The following GLIS3 variants were observed in gnomAD, a reference collection of about 807,000 sequenced individuals.
GLIS3 encodes GLIS family zinc finger 3.
GLIS3 carries 53 observed loss-of-function variants against 78.6 expected under a neutral mutation model. The ratio of observed to expected loss-of-function variants is 0.67; its 90% CI spans 0.54 to 0.85. The LOEUF is 0.85. Among genes scored for constraint, GLIS3 ranks in the 40% least tolerant of loss-of-function variants. The pLI is 0.00. For synonymous variants in GLIS3, 684 were observed against 509.9 expected, an observed-to-expected ratio of 1.34 and a Z score of -4.60; for missense variants, 1,703 against 1,231.1, an observed-to-expected ratio of 1.38 and a Z score of -5.74.
chr9:4,473,527 A>C, the GLIS3 span, among the ~76,000 whole-genome samples: 1 of 151,824 alleles, frequency 6.6e-6, no homozygotes, highest in Non-Finnish European at 1.5e-5. Flanking sequence ...ATCCTTAGCA[A>C]ACTACTGCAG....
At chr9:3,898,608 T>G (rs1224676839) in intron 7 of GLIS3, 83 bp downstream of exon 7, 1 of 1,561,088 alleles carries the variant, frequency 6.4e-7, no homozygotes, top group Admixed American at 1.7e-5. Flanking sequence ...AGGAAAATTT[T>G]TCTCACGTGA....
chr9:4,449,890 A>G, the GLIS3 span, among the ~76,000 whole-genome samples: 1 of 152,226 alleles, frequency 6.6e-6, no homozygotes, highest in African/African-American at 2.4e-5. Context: ...AGATGGGGAG[A>G]AACTAGAGAG....
At chr9:4,221,845 T>C (rs534830475) in intron 2 of GLIS3, among the ~76,000 whole-genome samples, 1 of 152,238 alleles carries the variant, frequency 6.6e-6, no homozygotes, top group Non-Finnish European at 1.5e-5. Flanking sequence ...GGCCACCATA[T>C]CTCCATCTTC....
chr9:4,351,439 C>A (rs1378014555), upstream of GLIS3, among the ~76,000 whole-genome samples: 3 of 147,178 alleles, frequency 2.0e-5, no homozygotes, highest in African/African-American at 5.0e-5. Context: ...AAATCTTTTA[C>A]ATATCTCATA....
intron 4 of GLIS3, among the ~76,000 whole-genome samples, chr9:3,964,777 G>C (rs1588331205): frequency 6.6e-6 from 1 of 152,158 alleles, no homozygotes; most frequent in Non-Finnish European, 1.5e-5. Flanking sequence ...TTTATTTTCA[G>C]TGTTTCTGGG....
rs973943223 is a variant in GLIS3 at position 3,824,928 on chromosome 9, A to T, written c.*3344T>A. On this transcript the variant is annotated 3_prime_UTR_variant, in exon 11 of 11. Transcript: ENST00000381971. ...TTTTGCTTCATCTGTTGCAAAAAAA[A>T]AAAAAAATAATAACCGCAGAAATTC... is the stretch of plus-strand genomic sequence containing the variant. 16 of 105,344 alleles carry T rather than the reference A, an allele frequency of 1.5e-4. 1 individual carries two copies. The Middle Eastern group carries it at 0.012, about 80-fold the overall frequency. The allele number at this position is 105,344 out of a possible 1,614,324, so 6.5% of individuals were successfully genotyped here. A position where few individuals can be genotyped will look rare whatever the true frequency, so the allele number is the denominator to read the frequency against.
At chr9:4,384,340 T>C in the GLIS3 span, among the ~76,000 whole-genome samples, 1 of 38,040 alleles carries the variant, frequency 2.6e-5, no homozygotes, top group African/African-American at 7.7e-5. Context: ...TCACCTTCAC[T>C]GGAAAAAAAA....
chr9:4,194,200 G>A (rs1818589747), intron 2 of GLIS3, among the ~76,000 whole-genome samples: 2 of 152,062 alleles, frequency 1.3e-5, no homozygotes, highest in South Asian at 2.1e-4. Flanking sequence ...TGGGATTACA[G>A]GCCCACGCTG....
intron 2 of GLIS3, among the ~76,000 whole-genome samples, chr9:4,180,346 G>C (rs988891189): frequency 6.6e-6 from 1 of 152,164 alleles, no homozygotes; most frequent in African/African-American, 2.4e-5. Flanking sequence ...GCAAGAGGAA[G>C]TATACCACAA....
chr9:3,852,149 GA>G (rs527265564), intron 9 of GLIS3, among the ~76,000 whole-genome samples: 1,328 of 131,150 alleles, frequency 0.01, 11 homozygotes, highest in African/African-American at 0.027. Context: ...CGTTCCAAAA[GA>G]AAAAAAAAAA....
intron 2 of GLIS3, among the ~76,000 whole-genome samples, chr9:4,320,141 G>C (rs999865296): frequency 6.6e-6 from 1 of 152,104 alleles, no homozygotes; most frequent in Admixed American, 6.5e-5. Context: ...GCGTATCTGA[G>C]TCACAGCCAC....
intron 2 of GLIS3, among the ~76,000 whole-genome samples, chr9:4,155,114 T>C (rs1222173834): frequency 3.3e-5 from 5 of 152,214 alleles, no homozygotes; most frequent in Non-Finnish European, 7.3e-5. Flanking sequence ...TGTAGATAAG[T>C]TTCTTTTATT....
At chr9:4,313,068 T>C (rs1817388875) in intron 2 of GLIS3, among the ~76,000 whole-genome samples, 1 of 152,152 alleles carries the variant, frequency 6.6e-6, no homozygotes, top group African/African-American at 2.4e-5. Flanking sequence ...TGCTGTTTCT[T>C]TGGGGAAGAC....
intron 6 of GLIS3, among the ~76,000 whole-genome samples, chr9:3,904,926 C>T (rs995912638): frequency 3.9e-4 from 59 of 151,968 alleles, no homozygotes; most frequent in African/African-American, 1.4e-3. Flanking sequence ...CTTGTGTCCA[C>T]ACCACACTAC....
chr9:4,279,873 G>C (rs760341657), intron 2 of GLIS3, among the ~76,000 whole-genome samples: 2 of 150,180 alleles, frequency 1.3e-5, no homozygotes, highest in Admixed American at 1.3e-4. Context: ...GACAACCAAA[G>C]GTAATATATG....
intron 4 of GLIS3, among the ~76,000 whole-genome samples, chr9:4,012,325 T>C (rs980812189): frequency 6.6e-6 from 1 of 152,176 alleles, no homozygotes; most frequent in African/African-American, 2.4e-5. Context: ...TGGAAGAGTG[T>C]GGTTAAAAGT....
intron 8 of GLIS3, chr9:3,878,507 C>G (rs1292469298): frequency 6.6e-6 from 1 of 152,162 alleles, no homozygotes; most frequent in Admixed American, 6.5e-5. Context: ...GTCAGGCCAA[C>G]AATGATGGAA....
intron 4 of GLIS3, among the ~76,000 whole-genome samples, chr9:3,947,906 T>C (rs377236748): frequency 3.2e-4 from 49 of 152,344 alleles, no homozygotes; most frequent in Middle Eastern, 3.4e-3. Flanking sequence ...CGATTTCCAT[T>C]ATGCACTTCT....
At chr9:3,938,001 C>G (rs1377662615) in intron 4 of GLIS3, among the ~76,000 whole-genome samples, 1 of 152,134 alleles carries the variant, frequency 6.6e-6, no homozygotes, top group Admixed American at 6.5e-5. Flanking sequence ...AACATTTACT[C>G]AATGTCTTCT....
Sources: gnomAD v4.1 joint callset for allele counts (sites outside exome capture counted in the v4.1 genomes callset) on GRCh38, gnomAD v4.1.1 for gene constraint, MANE v1.5 for transcripts, NCBI Gene and HGNC (gene_info 2026-07-23, HGNC 2026-07-21) for gene names.